CERS6: variants seen among roughly 807,000 people sequenced by gnomAD.
CERS6 encodes ceramide synthase 6, also known as LAG1 homolog, ceramide synthase 6.
In CERS6, 26 loss-of-function variants were observed where a neutral mutation model predicts 56.8. The ratio of observed to expected loss-of-function variants is 0.46; its 90% CI spans 0.34 to 0.63. The LOEUF (loss-of-function observed/expected upper bound fraction) is 0.63. CERS6 is among the 30% of genes least tolerant of loss of function. The probability of loss-of-function intolerance (pLI) is 0.01; values close to 1 mark genes in which losing one functional copy is unlikely to be tolerated. For missense variants in CERS6, 415 were observed against 467.5 expected, an observed-to-expected ratio of 0.89 and a Z score of 1.04; for synonymous variants, 164 against 173.3, an observed-to-expected ratio of 0.95 and a Z score of 0.42.
chr2:168,722,175 G>A (rs1683195688), intron 8 of CERS6, among the ~76,000 whole-genome samples: 1 of 152,206 alleles, frequency 6.6e-6, no homozygotes, highest in South Asian at 2.1e-4. Context: ...ACATAATAAT[G>A]TATATTATAT....
rs539186278 is a variant in CERS6 at position 168,616,535 on chromosome 2, G to C, written c.408-14450G>C. On this transcript the variant is annotated intron_variant, in intron 3 of 9. Transcript: ENST00000305747. ...TCACATAAACTTAAGGTAAAGGAGT[G>C]GAAAAAGACTTTCCATGCAAATGGA... Among the ~76,000 whole-genome samples, 4 of 152,246 alleles carry C rather than the reference G, an allele frequency of 2.6e-5. No homozygotes were observed. The East Asian group carries it at 5.8e-4, about 22-fold the overall frequency.
In CERS6 at chr2:168,668,444, C is replaced by CTTT. The variant is rs71397660; in HGVS notation, c.466-22575_466-22573dup. ...GCTTGCACTCCATTTCCAACTCTAT[C>CTTT]TTTTTTTTTTTTTTTTTCTGGAGAC... On this transcript the variant is annotated intron_variant, in intron 4 of 9. Transcript: ENST00000305747. 2.9e-3 allele frequency among the ~76,000 whole-genome samples: 385 copies of CTTT among 132,278 alleles called. 14 individuals are homozygous for CTTT. Among genetic ancestry groups the CTTT allele is most frequent in the African/African-American group, 0.01 (356 of 35,094 alleles). The allele number at this position is 132,278 out of a possible 152,430, so 86.8% of individuals were successfully genotyped here.
intron 4 of CERS6, among the ~76,000 whole-genome samples, chr2:168,657,290 G>A (rs1246881115): frequency 2.0e-5 from 3 of 152,332 alleles, no homozygotes; most frequent in Non-Finnish European, 4.4e-5. Context: ...CTAAACACAG[G>A]GTGCTGATTG....
intron 1 of CERS6, among the ~76,000 whole-genome samples, chr2:168,504,317 G>C (rs1694637135): frequency 6.6e-6 from 1 of 151,942 alleles, no homozygotes; most frequent in Non-Finnish European, 1.5e-5. Flanking sequence ...GCTGCAGTGA[G>C]CCAAGATTGC....
intron 8 of CERS6, among the ~76,000 whole-genome samples, chr2:168,729,744 C>T (rs547148686): frequency 2.0e-5 from 3 of 152,206 alleles, no homozygotes; most frequent in Non-Finnish European, 4.4e-5. Context: ...TCCTTCTGTT[C>T]CTTGTGGGGC....
At chr2:168,738,549 C>T (rs1683784542) in intron 8 of CERS6, among the ~76,000 whole-genome samples, 1 of 152,098 alleles carries the variant, frequency 6.6e-6, no homozygotes, top group South Asian at 2.1e-4. Flanking sequence ...CCTCTCATTC[C>T]TCTGATTAGA....
rs573559766 is a variant in CERS6 at position 168,627,458 on chromosome 2, G to T, written c.408-3527G>T. The stretch of plus-strand genomic sequence containing the variant: ...ACTTTTCATATATTCCTCTGCAAAT[G>T]AGAGGAAGTTTGCCTGGCAGAAGCT... On this transcript the variant is annotated intron_variant, in intron 3 of 9. Coordinates refer to ENST00000305747, the MANE Select transcript of CERS6 (RefSeq NM_203463.3). 3.3e-5 allele frequency among the ~76,000 whole-genome samples: 5 copies of T among 152,258 alleles called. No homozygotes were observed. The South Asian group carries it at 1.0e-3, about 32-fold the overall frequency.
intron 1 of CERS6, among the ~76,000 whole-genome samples, chr2:168,510,748 T>C (rs1255199975): frequency 6.6e-6 from 1 of 152,244 alleles, no homozygotes; most frequent in Non-Finnish European, 1.5e-5. Context: ...TGCACCATTA[T>C]CATTACTATC....
At chr2:168,527,699 A>G (rs1368180283) in intron 1 of CERS6, among the ~76,000 whole-genome samples, 1 of 151,888 alleles carries the variant, frequency 6.6e-6, no homozygotes, top group East Asian at 1.9e-4. Context: ...GAGGGAGTGA[A>G]CTCATTTCCT....
chr2:168,511,950 GCACACACACACACACA>G (rs10568314), intron 1 of CERS6, among the ~76,000 whole-genome samples: 1 of 148,540 alleles, frequency 6.7e-6, no homozygotes, highest in Non-Finnish European at 1.5e-5. Flanking sequence ...GCATGCACGT[GCACACACACACACACA>G]CACACACACA....
chr2:168,516,604 G>T (rs1429671237), intron 1 of CERS6, among the ~76,000 whole-genome samples: 6 of 152,134 alleles, frequency 3.9e-5, no homozygotes, highest in Non-Finnish European at 8.8e-5. Flanking sequence ...AGTTATTTTG[G>T]GGATTAAATG....
chr2:168,718,950 G>T (rs967737083), intron 8 of CERS6, among the ~76,000 whole-genome samples: 1 of 152,318 alleles, frequency 6.6e-6, no homozygotes, highest in East Asian at 1.9e-4. Context: ...TGACTCCTGG[G>T]TCTTCATTCT....
chr2:168,491,356 T>TA (rs1694369480), intron 1 of CERS6, among the ~76,000 whole-genome samples: 1 of 152,252 alleles, frequency 6.6e-6, no homozygotes, highest in Non-Finnish European at 1.5e-5. Flanking sequence ...ACTTTGAACT[T>TA]AATCATTTCC....
chr2:168,687,771 G>T (rs1324491032), intron 4 of CERS6, among the ~76,000 whole-genome samples: 1 of 152,186 alleles, frequency 6.6e-6, no homozygotes, highest in East Asian at 1.9e-4. Context: ...GCACAATCAT[G>T]GCTTATTGCA....
intron 3 of CERS6, among the ~76,000 whole-genome samples, chr2:168,579,265 G>A (rs952484089): frequency 1.3e-5 from 2 of 152,126 alleles, no homozygotes; most frequent in East Asian, 1.9e-4. Flanking sequence ...CAAGGAGCCC[G>A]TGGAGTTGGG....
chr2:168,689,310 A>G (rs1686438843), intron 4 of CERS6, among the ~76,000 whole-genome samples: 1 of 152,192 alleles, frequency 6.6e-6, no homozygotes, highest in Non-Finnish European at 1.5e-5. Context: ...GTACTTTAAA[A>G]TAGATGTTGC....
At chr2:168,732,405 T>A (rs1301385338) in intron 8 of CERS6, among the ~76,000 whole-genome samples, 2 of 152,188 alleles carry the variant, frequency 1.3e-5, no homozygotes, top group East Asian at 3.8e-4. Context: ...GCATCTTAAT[T>A]TCGAATTCAC....
intron 1 of CERS6, among the ~76,000 whole-genome samples, chr2:168,538,121 G>A (rs762590249): frequency 4.6e-5 from 7 of 151,168 alleles, no homozygotes; most frequent in Non-Finnish European, 8.8e-5. Context: ...GTCCATCCTT[G>A]TTTTCCCCTT....
intron 1 of CERS6, among the ~76,000 whole-genome samples, chr2:168,476,769 C>A (rs575992348): frequency 2.6e-5 from 4 of 151,980 alleles, no homozygotes; most frequent in Non-Finnish European, 5.9e-5. Flanking sequence ...TCCTTTTCCT[C>A]TGTTTTTTTT....
Sources: gnomAD v4.1 joint callset for allele counts (sites outside exome capture counted in the v4.1 genomes callset) on GRCh38, gnomAD v4.1.1 for gene constraint, MANE v1.5 for transcripts, NCBI Gene and HGNC (gene_info 2026-07-23, HGNC 2026-07-21) for gene names.